WDR45B: variants seen among roughly 807,000 people sequenced by gnomAD.
WDR45B encodes the protein WD repeat domain phosphoinositide-interacting protein 3.
WDR45B carries 20 observed loss-of-function variants against 44.6 expected under a neutral mutation model. That is an observed-to-expected ratio of 0.45 (90% CI 0.32 to 0.65). The LOEUF (loss-of-function observed/expected upper bound fraction) is 0.65, where lower values mean the gene tolerates loss of function less well. Ranked by LOEUF, WDR45B falls within the 30% of genes least tolerant of loss-of-function variation. WDR45B has a pLI of 0.05. For missense variants in WDR45B, 323 were observed against 430.2 expected (o/e 0.75, Z 2.20); for synonymous variants, 169 against 164.9 (o/e 1.02, Z -0.19).
intron 5 of WDR45B, among the ~76,000 whole-genome samples, chr17:82,625,115 A>AT (rs1304268826): frequency 6.6e-6 from 1 of 152,162 alleles, no homozygotes; most frequent in Non-Finnish European, 1.5e-5. Context: ...TGGTGAAAAC[A>AT]TAGGTTCCTG....
chr17:82,648,140 G>A lies in WDR45B; in HGVS notation c.67+134C>T, dbSNP rs893215698. On this transcript the variant is annotated intron_variant, in intron 1 of 9. Coordinates refer to ENST00000392325, the MANE Select transcript of WDR45B (RefSeq NM_019613.4). ...GGGCCGGGGCCGGGGGCTTCGGAGGGGAGCTCGGGCGGGGCCGGGGTCCCG... is the reference window on the plus strand; with the variant it reads ...GGGCCGGGGCCGGGGGCTTCGGAGGAGAGCTCGGGCGGGGCCGGGGTCCCG... 5.1e-5 allele frequency: 54 copies of A among 1,051,584 alleles called. No individual in the cohort carries two copies. The East Asian group carries it at 9.3e-4, about 18-fold the overall frequency. 65.1% of individuals were successfully genotyped at this position (1,051,584 alleles called of 1,614,324 possible).
At chr17:82,620,851 C>T (rs562328944) in intron 6 of WDR45B, among the ~76,000 whole-genome samples, 1 of 152,220 alleles carries the variant, frequency 6.6e-6, no homozygotes, top group African/African-American at 2.4e-5. Flanking sequence ...GTGTCCAATA[C>T]GTCAATATTT....
chr17:82,625,757 C>T (rs1294661252), intron 4 of WDR45B: 1 of 473,338 alleles, frequency 2.1e-6, no homozygotes, highest in Non-Finnish European at 3.9e-6. Context: ...TCATCAAACA[C>T]TCCATCTAGG....
Position 82,615,854 on chromosome 17 carries a change from A to T in WDR45B, c.*65T>A. 6.7e-7 allele frequency: 1 copy of T among 1,499,518 alleles called. No individual in the cohort carries two copies. 92.9% of individuals were successfully genotyped at this position (1,499,518 alleles called of 1,614,324 possible). ...CCGTGGCCCAGGAGGCCCCTGGGGC[A>T]CTGGCACCAGCCCCGAGAGTCTGAA... On this transcript the variant is annotated 3_prime_UTR_variant, in exon 10 of 10. Coordinates refer to ENST00000392325, the MANE Select transcript of WDR45B (RefSeq NM_019613.4).
chr17:82,628,574 GA>G (rs140617002), intron 3 of WDR45B, among the ~76,000 whole-genome samples: 2 of 149,904 alleles, frequency 1.3e-5, no homozygotes, highest in Admixed American at 6.6e-5. Flanking sequence ...TCCCATTTCT[GA>G]AAAAAAAAGT....
rs2045619848 is a variant in WDR45B, at chr17:82,621,686, T to C, written c.541A>G (p.Ile181Val). The C allele has an allele frequency of 6.2e-7, 1 of 1,614,056 alleles. No individual in the cohort carries two copies. The change falls in exon 6 of 10, where the codon ATT becomes GTT. Residue 181 changes from isoleucine to valine, a missense_variant. By Grantham distance (29) the Ile-to-Val change is conservative. Coordinates refer to ENST00000392325, the MANE Select transcript of WDR45B (RefSeq NM_019613.4). ...CTCAGGACACCCTCGTGTGCAGGAATGTCCACGGGTGGCTTCTCCGTGCTG... is the reference window on the plus strand; with the variant it reads ...CTCAGGACACCCTCGTGTGCAGGAACGTCCACGGGTGGCTTCTCCGTGCTG... The part of the protein sequence containing the change: ...LASTEKPPVD[I>V]PAHEGVLSCI...
chr17:82,648,138 G>T, intron 1 of WDR45B, 136 bp downstream of exon 1: 1 of 1,029,312 alleles, frequency 9.7e-7, no homozygotes, highest in Non-Finnish European at 1.3e-6. Context: ...GGGCTTCGGA[G>T]GGGAGCTCGG....
chr17:82,637,093 G>C (rs551172411), intron 2 of WDR45B, among the ~76,000 whole-genome samples: 68 of 152,156 alleles, frequency 4.5e-4, no homozygotes, highest in Non-Finnish European at 8.7e-4. Flanking sequence ...CTTACTGAGA[G>C]AATTAAACTT....
At chr17:82,629,167 G>T (rs779731189) in intron 3 of WDR45B, among the ~76,000 whole-genome samples, 17 of 152,206 alleles carry the variant, frequency 1.1e-4, no homozygotes, top group Non-Finnish European at 2.2e-4. Flanking sequence ...TGAGACCTGA[G>T]ATTATCTCAT....
chr17:82,644,369 C>A, intron 1 of WDR45B: 1 of 369,236 alleles, frequency 2.7e-6, no homozygotes, highest in South Asian at 2.3e-5. Context: ...GGCAATCCCG[C>A]CCACTGTGGA....
chr17:82,646,658 T>C (rs540969213), intron 1 of WDR45B, among the ~76,000 whole-genome samples: 1 of 152,286 alleles, frequency 6.6e-6, no homozygotes, highest in Admixed American at 6.5e-5. Flanking sequence ...TCTTAATTGT[T>C]AGTGACAGGT....
intron 3 of WDR45B, among the ~76,000 whole-genome samples, chr17:82,628,647 T>C (rs902502076): frequency 6.6e-6 from 1 of 151,846 alleles, no homozygotes; most frequent in Admixed American, 6.6e-5. Flanking sequence ...CAGTGAGCTA[T>C]GATCACCCCA....
chr17:82,636,773 G>C (rs1164565789), intron 2 of WDR45B, among the ~76,000 whole-genome samples: 1 of 151,838 alleles, frequency 6.6e-6, no homozygotes. Flanking sequence ...CAGCCTACCC[G>C]CTTCCCGTCA....
chr17:82,627,564 CCT>C (rs796980677), intron 3 of WDR45B, among the ~76,000 whole-genome samples: 22 of 152,398 alleles, frequency 1.4e-4, no homozygotes, highest in African/African-American at 5.3e-4. Flanking sequence ...CCCGCCCATT[CCT>C]CTCTCAGTGT....
intron 2 of WDR45B, among the ~76,000 whole-genome samples, chr17:82,636,327 G>C (rs1012595855): frequency 3.3e-5 from 5 of 151,414 alleles, no homozygotes; most frequent in Non-Finnish European, 7.4e-5. Context: ...TGCGGTCTCT[G>C]GGTTTTAAAA....
intron 6 of WDR45B, among the ~76,000 whole-genome samples, chr17:82,620,891 AG>A (rs2045606258): frequency 6.6e-6 from 1 of 152,186 alleles, no homozygotes; most frequent in Admixed American, 6.5e-5. Context: ...AATTCAATGA[AG>A]ACACGTTACT....
At chr17:82,629,049 A>G (rs947220283) in intron 3 of WDR45B, among the ~76,000 whole-genome samples, 3 of 152,236 alleles carry the variant, frequency 2.0e-5, no homozygotes, top group African/African-American at 7.2e-5. Flanking sequence ...AAGTACCTTT[A>G]AACGCTACAA....
At chr17:82,624,476 GCTCT>G (rs925874865) in intron 5 of WDR45B, among the ~76,000 whole-genome samples, 7 of 152,182 alleles carry the variant, frequency 4.6e-5, no homozygotes, top group East Asian at 1.9e-4. Flanking sequence ...TGACCAGGAT[GCTCT>G]CTATCTCCTG....
chr17:82,644,140 C>T (rs543791718), intron 1 of WDR45B, 117 bp from the exon 2 acceptor site: 13 of 901,066 alleles, frequency 1.4e-5, no homozygotes, highest in Admixed American at 7.9e-5. Context: ...CACACAGACA[C>T]GATAGGTGCT....
Sources: gnomAD v4.1 joint callset for allele counts (sites outside exome capture counted in the v4.1 genomes callset) on GRCh38, gnomAD v4.1.1 for gene constraint, MANE v1.5 for transcripts, NCBI Gene and HGNC (gene_info 2026-07-23, HGNC 2026-07-21) for gene names.